Variants in F8 observed in about 807,000 individuals in gnomAD.
The protein encoded by F8 is antihemophilic factor.
F8 carries 12 observed loss-of-function variants against 140.6 expected under a neutral mutation model. The ratio of observed to expected loss-of-function variants is 0.09; its 90% CI spans 0.05 to 0.14. The LOEUF is 0.14. F8 is among the 10% of genes least tolerant of loss of function. The probability of loss-of-function intolerance (pLI) is 1.00; values close to 1 mark genes in which losing one functional copy is unlikely to be tolerated. For synonymous variants in F8, 585 were observed against 614.6 expected (o/e 0.95, Z 0.71); for missense variants, 1,354 against 1,720.7 (o/e 0.79, Z 3.77).
At chrX:154,861,508 A>G (rs1243878137) in intron 24 of F8, among the ~76,000 whole-genome samples, 1 of 112,173 alleles carries the variant, frequency 8.9e-6, no homozygotes, top group Non-Finnish European at 1.9e-5. Context: ...TCAGTACTAG[A>G]TATAGAGATT....
intron 22 of F8, among the ~76,000 whole-genome samples, chrX:154,869,796 T>C (rs2072758527): frequency 1.8e-5 from 2 of 110,957 alleles, no homozygotes; most frequent in South Asian, 7.7e-4. Flanking sequence ...GATAGACTTC[T>C]AGCCACACTA....
intron 15 of F8, among the ~76,000 whole-genome samples, chrX:154,905,236 A>C (rs902738655): frequency 4.5e-5 from 5 of 111,237 alleles, no homozygotes; most frequent in African/African-American, 1.6e-4. Flanking sequence ...GTATGAACTC[A>C]AAGTTGCAAA....
At chrX:154,992,522 T>C (rs1557284753) in intron 4 of F8, among the ~76,000 whole-genome samples, 1 of 112,281 alleles carries the variant, frequency 8.9e-6, no homozygotes, top group East Asian at 2.8e-4. Context: ...GGTTTACAGA[T>C]GACAAACTAA....
chrX:154,847,947 T>C (rs1218545811), intron 25 of F8, among the ~76,000 whole-genome samples: 6 of 112,872 alleles, frequency 5.3e-5, no homozygotes, highest in East Asian at 2.8e-4. Flanking sequence ...ATGATGGTGA[T>C]GTACAGATGG....
intron 13 of F8, among the ~76,000 whole-genome samples, chrX:154,932,887 AC>A (rs1231605084): frequency 1.3e-4 from 14 of 111,084 alleles, no homozygotes; most frequent in Non-Finnish European, 2.3e-4. Flanking sequence ...AAAAAGGAAT[AC>A]ATTATATGAT....
At chrX:154,991,771 T>C (rs1429254984) in intron 4 of F8, among the ~76,000 whole-genome samples, 2 of 111,806 alleles carry the variant, frequency 1.8e-5, no homozygotes, top group East Asian at 2.8e-4. Flanking sequence ...TATTATAAAC[T>C]ACAAACCTTT....
intron 12 of F8, among the ~76,000 whole-genome samples, chrX:154,948,846 T>C (rs1178716727): frequency 1.8e-5 from 2 of 112,120 alleles, no homozygotes; most frequent in African/African-American, 6.5e-5. Context: ...TGAAGTTTTT[T>C]TCCTATACAA....
At chrX:154,992,911 C>G (rs1569559981) in intron 4 of F8, 25 bp downstream of exon 4, 5 of 1,168,700 alleles carry the variant, frequency 4.3e-6, no homozygotes, top group Non-Finnish European at 4.7e-6. Context: ...TATTTCATCT[C>G]AATCCTACGC....
chrX:154,886,038 T>C, intron 22 of F8: 1 of 483,830 alleles, frequency 2.1e-6, no homozygotes, highest in Non-Finnish European at 2.9e-6. Context: ...TTGGGTCATG[T>C]TCAGATGGAG....
rs1324815657 is a variant in F8, at chrX:154,947,736, A to G, written c.2075T>C (p.Phe692Ser). ...VYEDTLTLFPFSGETVFMSME... is the reference protein window; with the variant it reads ...VYEDTLTLFPSSGETVFMSME... ...CGACATGAAGACAGTTTCTCCTGAG[A>G]ATGGGAATAGGGTGAGTGTGTCTTC... is the stretch of plus-strand genomic sequence containing the variant. The change falls in exon 13 of 26, where the codon TTC becomes TCC. Residue 692 changes from phenylalanine to serine, a missense_variant. Transcript: ENST00000360256. 13 of 1,209,333 alleles carry G rather than the reference A, an allele frequency of 1.1e-5. No individual in the cohort carries two copies. The highest frequency in any genetic ancestry group is 1.5e-5 in the Non-Finnish European group (13 of 894,576).
chrX:154,989,619 C>A (rs989065013), intron 4 of F8, among the ~76,000 whole-genome samples: 2 of 112,127 alleles, frequency 1.8e-5, no homozygotes, highest in Admixed American at 9.5e-5. Context: ...TGATGTTGAA[C>A]ATCTTTTCAT....
chrX:154,846,076 G>T (rs1458572608), intron 25 of F8, among the ~76,000 whole-genome samples: 5 of 112,344 alleles, frequency 4.5e-5, no homozygotes, highest in Admixed American at 2.8e-4. Flanking sequence ...GGAGCAGGTT[G>T]TTCAGTTTCC....
At chrX:154,850,082 T>TG (rs1557272036) in intron 25 of F8, among the ~76,000 whole-genome samples, 5 of 96,554 alleles carry the variant, frequency 5.2e-5, no homozygotes, top group African/African-American at 2.1e-4. Context: ...GCAGGCTTGT[T>TG]TTGTGTGTGT....
intron 14 of F8, 127 bp downstream of exon 14, chrX:154,928,444 A>G (rs2073171527): frequency 1.7e-6 from 1 of 600,985 alleles, no homozygotes. Flanking sequence ...TCTTCTCTCT[A>G]TCTCACCAGA....
At chrX:154,984,542 A>G (rs2073547211) in intron 6 of F8, 145 bp downstream of exon 6, 2 of 537,642 alleles carry the variant, frequency 3.7e-6, no homozygotes, top group East Asian at 6.7e-5. Context: ...TGCCTACTAT[A>G]CATTAAGATC....
chrX:154,858,010 G>A (rs1183602093), intron 25 of F8, among the ~76,000 whole-genome samples: 2 of 111,701 alleles, frequency 1.8e-5, no homozygotes, highest in African/African-American at 3.3e-5. Flanking sequence ...ATGGTGATGC[G>A]TGCCTGTAGT....
chrX:154,987,082 G>A (rs1301571369), intron 5 of F8, among the ~76,000 whole-genome samples, 155 bp downstream of exon 5: 1 of 111,899 alleles, frequency 8.9e-6, no homozygotes, highest in Non-Finnish European at 1.9e-5. Flanking sequence ...CAGTGGAACT[G>A]AGGTTACGTT....
chrX:154,917,163 TA>T (rs1471027090), intron 14 of F8, among the ~76,000 whole-genome samples: 1 of 112,051 alleles, frequency 8.9e-6, no homozygotes, highest in Non-Finnish European at 1.9e-5. Flanking sequence ...TTTATTTTTT[TA>T]AATGTTGAGA....
rs782598596 is a variant in F8, at chrX:154,987,271, G to A, written c.636C>T (p.His212=). 156 of 1,209,002 alleles carry A rather than the reference G, an allele frequency of 1.3e-4. No individual in the cohort carries two copies. The South Asian group carries it at 2.4e-3, about 19-fold the overall frequency. The change falls in exon 5 of 26, where the codon CAC becomes CAT. Residue 212 remains histidine, a synonymous_variant. Coordinates refer to ENST00000360256, the MANE Select transcript of F8 (RefSeq NM_000132.4). ...ATACAGCAAAAAGTAGTATAAATTT[G>A]TGCAAGGTCTGTGTCTTTTCCTTGG... is the stretch of plus-strand genomic sequence containing the variant. ...SLAKEKTQTL[H]KFILLFAVFD... is the part of the protein sequence containing the mutation.
Sources: gnomAD v4.1 joint callset for allele counts (sites outside exome capture counted in the v4.1 genomes callset) on GRCh38, gnomAD v4.1.1 for gene constraint, MANE v1.5 for transcripts, NCBI Gene and HGNC (gene_info 2026-07-23, HGNC 2026-07-21) for gene names.